RAB38: variants seen among roughly 807,000 people sequenced by gnomAD.
RAB38 encodes RAB38, member RAS oncogene family.
RAB38 carries 15 observed loss-of-function variants against 18.4 expected under a neutral mutation model. That is an observed-to-expected ratio of 0.82 (90% CI 0.55 to 1.26). RAB38 has a LOEUF of 1.26. Among genes scored for constraint, RAB38 ranks in the 50% most tolerant of loss-of-function variants. The pLI is 0.00. For missense variants in RAB38, 294 were observed against 267.4 expected (o/e 1.10, Z -0.69); for synonymous variants, 101 against 104.4 (o/e 0.97, Z 0.20).
the RAB38 span, among the ~76,000 whole-genome samples, chr11:87,855,945 TCA>T: frequency 1.2e-4 from 19 of 152,326 alleles, no homozygotes; most frequent in Admixed American, 1.1e-3. Flanking sequence ...GGTACAACAC[TCA>T]CAGAACTTTC....
chr11:87,972,108 A>G, the RAB38 span, among the ~76,000 whole-genome samples: 2 of 152,076 alleles, frequency 1.3e-5, no homozygotes, highest in Admixed American at 6.6e-5. Context: ...ACAGAGTGCC[A>G]TGGAAATAGG....
intron 2 of RAB38, among the ~76,000 whole-genome samples, chr11:88,132,276 T>C (rs995848124): frequency 4.6e-5 from 7 of 152,206 alleles, no homozygotes; most frequent in Admixed American, 1.3e-4. Flanking sequence ...GAAAGTCACG[T>C]GCTGAGGCTG....
intron 2 of RAB38, among the ~76,000 whole-genome samples, chr11:88,146,307 G>A (rs1942985636): frequency 6.6e-6 from 1 of 152,170 alleles, no homozygotes; most frequent in Non-Finnish European, 1.5e-5. Context: ...GATGATACCT[G>A]AAGGATTTCT....
chr11:88,043,602 A>ACCCCCCCCCCCCCCC, the RAB38 span, among the ~76,000 whole-genome samples: 3 of 114,406 alleles, frequency 2.6e-5, no homozygotes, highest in South Asian at 3.2e-4. Flanking sequence ...GCACCTTGTG[A>ACCCCCCCCCCCCCCC]CCCCCCCACC....
chr11:87,956,344 T>G, the RAB38 span, among the ~76,000 whole-genome samples: 1 of 150,824 alleles, frequency 6.6e-6, no homozygotes, highest in Non-Finnish European at 1.5e-5. Flanking sequence ...AATCAAAAAG[T>G]TGTGAGAAGA....
At chr11:87,857,253 C>T in the RAB38 span, among the ~76,000 whole-genome samples, 6 of 152,166 alleles carry the variant, frequency 3.9e-5, no homozygotes, top group Admixed American at 2.0e-4. Flanking sequence ...TTTCTTAATC[C>T]AGTCTATCAC....
the RAB38 span, among the ~76,000 whole-genome samples, chr11:88,006,250 A>G: frequency 6.6e-6 from 1 of 151,620 alleles, no homozygotes; most frequent in African/African-American, 2.4e-5. Flanking sequence ...TCAGAATGAC[A>G]ATTTTTAAAA....
the RAB38 span, among the ~76,000 whole-genome samples, chr11:87,875,582 A>G: frequency 1.3e-5 from 2 of 151,436 alleles, no homozygotes; most frequent in African/African-American, 4.8e-5. Flanking sequence ...ATATCTTTGT[A>G]GTACTGAGTA....
chr11:88,115,099 T>C (rs1591151767), intron 2 of RAB38, among the ~76,000 whole-genome samples: 1 of 152,208 alleles, frequency 6.6e-6, no homozygotes, highest in African/African-American at 2.4e-5. Context: ...TTCCTGCTGG[T>C]CAGAAACCTA....
At chr11:87,812,608 G>A in the RAB38 span, among the ~76,000 whole-genome samples, 1 of 152,218 alleles carries the variant, frequency 6.6e-6, no homozygotes, top group Admixed American at 6.5e-5. Flanking sequence ...GGTCCTGACT[G>A]CAGGCGCAGG....
At chr11:88,033,269 C>T in the RAB38 span, among the ~76,000 whole-genome samples, 2 of 151,718 alleles carry the variant, frequency 1.3e-5, no homozygotes, top group Admixed American at 6.6e-5. Flanking sequence ...GGAGATATAC[C>T]TAATGCTAGA....
At chr11:87,954,453 G>T in the RAB38 span, among the ~76,000 whole-genome samples, 1 of 152,132 alleles carries the variant, frequency 6.6e-6, no homozygotes, top group African/African-American at 2.4e-5. Context: ...TGTGTGCTGT[G>T]TTGTCACAGA....
chr11:87,878,279 TATCTATCTATCTATCTATCTACCTATC>T, the RAB38 span, among the ~76,000 whole-genome samples: 2 of 141,380 alleles, frequency 1.4e-5, no homozygotes, highest in Admixed American at 7.3e-5. Flanking sequence ...TCTATCTATC[TATCTATCTATCTATCTATCTACCTATC>T]ATCTATCTAT....
chr11:87,876,766 T>C, the RAB38 span, among the ~76,000 whole-genome samples: 2 of 151,628 alleles, frequency 1.3e-5, no homozygotes, highest in South Asian at 2.1e-4. Flanking sequence ...AACAAGACTT[T>C]GGTGAAAGAG....
the RAB38 span, among the ~76,000 whole-genome samples, chr11:88,096,357 A>G: frequency 6.6e-6 from 1 of 151,884 alleles, no homozygotes; most frequent in Non-Finnish European, 1.5e-5. Flanking sequence ...TGGTTACTCA[A>G]TTCCCCCGGT....
At chr11:88,085,714 C>A in the RAB38 span, among the ~76,000 whole-genome samples, 3 of 151,986 alleles carry the variant, frequency 2.0e-5, no homozygotes, top group Admixed American at 6.6e-5. Context: ...CACAGACACA[C>A]ATTTGTTGAT....
At chr11:88,095,344 T>C in the RAB38 span, among the ~76,000 whole-genome samples, 1 of 151,868 alleles carries the variant, frequency 6.6e-6, no homozygotes, top group Non-Finnish European at 1.5e-5. Context: ...TCTTCTGTCA[T>C]AGTTACAGTA....
At chr11:87,811,516 G>A in the RAB38 span, among the ~76,000 whole-genome samples, 1,708 of 152,100 alleles carry the variant, frequency 0.011, 19 homozygotes, top group Non-Finnish European at 0.017. Flanking sequence ...TAAGAACCAC[G>A]TTATGGTCTG....
downstream of RAB38, among the ~76,000 whole-genome samples, chr11:88,108,474 T>C (rs1274252435): frequency 6.6e-6 from 1 of 152,192 alleles, no homozygotes; most frequent in Non-Finnish European, 1.5e-5. Flanking sequence ...TTTTGTTTTG[T>C]TTTTGCTTTC....
Sources: gnomAD v4.1 joint callset for allele counts (sites outside exome capture counted in the v4.1 genomes callset) on GRCh38, gnomAD v4.1.1 for gene constraint, MANE v1.5 for transcripts, NCBI Gene and HGNC (gene_info 2026-07-23, HGNC 2026-07-21) for gene names.